Variants in CDC7 observed in about 807,000 individuals in gnomAD.
CDC7 encodes cell division cycle 7, also known as cell division cycle 7-related protein kinase.
In CDC7, 34 loss-of-function variants were observed where a neutral mutation model predicts 53.5. That is an observed-to-expected ratio of 0.64 (90% CI 0.48 to 0.85). The LOEUF (loss-of-function observed/expected upper bound fraction) is 0.85, where lower values mean the gene tolerates loss of function less well. Among genes scored for constraint, CDC7 ranks in the 40% least tolerant of loss-of-function variants. The pLI, the probability that CDC7 is intolerant of heterozygous loss-of-function variation, is 0.00. For synonymous variants in CDC7, 211 were observed against 222.8 expected (o/e 0.95, Z 0.47); for missense variants, 594 against 679.7 (o/e 0.87, Z 1.40).
chr1:91,508,393 G>T lies in CDC7; in HGVS notation c.331G>T (p.Ala111Ser), dbSNP rs749316780. The T allele has an allele frequency of 6.2e-7, 1 of 1,605,698 alleles. No individual in the cohort carries two copies. The highest frequency in any genetic ancestry group is 1.7e-5 in the Admixed American group (1 of 58,432). ...AGCTGAACTTCAGTGCCTAACAGTG[G>T]CTGGGTAGGCAATTTAAACATATTT... ...IAAELQCLTVAGGQDNVMGVK... is the reference protein window; with the variant it reads ...IAAELQCLTVSGGQDNVMGVK... The change falls in exon 4 of 12, where the codon GCT (alanine) becomes TCT (serine). Residue 111 changes from alanine (A) to serine (S), a missense_variant. Physicochemically the swap from Ala to Ser is moderately conservative, Grantham distance 99. Coordinates refer to ENST00000234626, the MANE Select transcript of CDC7 (RefSeq NM_003503.4).
At chr1:91,501,624 TA>T in intron 1 of CDC7, 29 bp from the exon 2 acceptor site, 2 of 905,146 alleles carry the variant, frequency 2.2e-6, no homozygotes, top group Non-Finnish European at 3.6e-6. Context: ...GCGAGTGATC[TA>T]AATTTCTCTA....
In CDC7 at chr1:91,524,432, G is replaced by C; in HGVS notation, c.1722G>C (p.Leu574Phe). 6.3e-7 allele frequency: 1 copy of C among 1,596,872 alleles called. No individual in the cohort carries two copies. Among genetic ancestry groups the C allele is most frequent in the Non-Finnish European group, 8.5e-7 (1 of 1,175,084 alleles). ...LLHPFFKDMS[L>F] is the part of the protein sequence containing the mutation. Reference sequence around the variant, plus strand: ...ATCCATTTTTTAAAGATATGAGCTTGTGATAATGGATCTTCATTTAATGTT... The same window carrying C: ...ATCCATTTTTTAAAGATATGAGCTTCTGATAATGGATCTTCATTTAATGTT... Residue 574 changes from leucine (L) to phenylalanine (F), a missense_variant, in exon 12 of 12, where the codon TTG becomes TTC. Transcript: ENST00000234626.
intron 11 of CDC7, among the ~76,000 whole-genome samples, chr1:91,522,589 G>T (rs1393583514): frequency 6.6e-6 from 1 of 152,100 alleles, no homozygotes; most frequent in African/African-American, 2.4e-5. Flanking sequence ...AAAGCATATT[G>T]TATAACTTGG....
Position 91,524,614 on chromosome 1 carries a change from C to G in CDC7, c.*179C>G. 1 of 557,396 alleles carries G rather than the reference C, an allele frequency of 1.8e-6. No individual in the cohort carries two copies. The highest frequency in any genetic ancestry group is 3.1e-6 in the Non-Finnish European group (1 of 323,714). The allele number at this position is 557,396 out of a possible 1,614,324, so 34.5% of individuals were successfully genotyped here. A position where few individuals can be genotyped will look rare whatever the true frequency, so the allele number is the denominator to read the frequency against. ...AATACTTAAAATGCCTGGGATAGTT[C>G]TTGGGACTAACAACATGATCTTCTT... On this transcript the variant is annotated 3_prime_UTR_variant, in exon 12 of 12. Transcript: ENST00000234626.
rs13447504 is a variant in CDC7, at chr1:91,511,918, G to A, written c.567G>A (p.Leu189=). Residue 189 remains leucine (L), a synonymous_variant, in exon 6 of 12, where the codon CTG becomes CTA. Coordinates refer to ENST00000234626, the MANE Select transcript of CDC7 (RefSeq NM_003503.4). ...GCAATTTTTTATATAATAGGCGCCT[G>A]AAAAAGTAAGTATGAAGAGTTACTA... ...KPSNFLYNRR[L]KKYALVDFGL... 169 of 1,574,018 alleles carry A rather than the reference G, an allele frequency of 1.1e-4. No homozygotes were observed. In the African/African-American group the frequency reaches 1.9e-3, roughly 17 times the overall value.
intron 4 of CDC7, among the ~76,000 whole-genome samples, chr1:91,509,441 A>G (rs1331913749): frequency 1.3e-5 from 2 of 151,332 alleles, no homozygotes; most frequent in Non-Finnish European, 2.9e-5. Flanking sequence ...CCATCTACAC[A>G]CTTGTTTGGG....
chr1:91,513,347 A>T, intron 7 of CDC7, 40 bp downstream of exon 7: 1 of 1,569,672 alleles, frequency 6.4e-7, no homozygotes, highest in Non-Finnish European at 8.7e-7. Context: ...ACACTGTTTT[A>T]GAAATATACT....
chr1:91,501,293 G>A (rs1666652902), intron 1 of CDC7: 2 of 168,430 alleles, frequency 1.2e-5, no homozygotes, highest in Admixed American at 1.1e-4. Context: ...CTTCCTGTCA[G>A]TGGCGAAAAG....
intron 4 of CDC7, among the ~76,000 whole-genome samples, chr1:91,510,182 T>A: frequency 6.6e-6 from 1 of 150,806 alleles, no homozygotes; most frequent in Non-Finnish European, 1.5e-5. Context: ...TCCATTGCAC[T>A]CCATCCAGCC....
intron 9 of CDC7, 124 bp from the exon 10 acceptor site, chr1:91,515,670 A>T: frequency 9.2e-7 from 1 of 1,088,366 alleles, no homozygotes; most frequent in Non-Finnish European, 1.3e-6. Flanking sequence ...CATTTACTTT[A>T]TAGTAACACT....
intron 11 of CDC7, among the ~76,000 whole-genome samples, chr1:91,522,961 C>T (rs1177743020): frequency 6.6e-6 from 1 of 152,144 alleles, no homozygotes; most frequent in Admixed American, 6.5e-5. Context: ...TTGTTTCGTA[C>T]ATTTAGTATA....
chr1:91,515,522 A>G (rs13447517), intron 9 of CDC7, among the ~76,000 whole-genome samples: 211 of 152,226 alleles, frequency 1.4e-3, no homozygotes, highest in Non-Finnish European at 2.0e-3. Flanking sequence ...TATTTTTTCT[A>G]TTATGGCTCT....
At chr1:91,511,954 A>G in intron 6 of CDC7, 31 bp downstream of exon 6, 1 of 1,497,250 alleles carries the variant, frequency 6.7e-7, no homozygotes, top group South Asian at 1.3e-5. Context: ...GAAAATATTT[A>G]TCCTATTTCT....
chr1:91,514,375 T>C (rs969998420), intron 8 of CDC7, among the ~76,000 whole-genome samples: 1 of 152,196 alleles, frequency 6.6e-6, no homozygotes, highest in Non-Finnish European at 1.5e-5. Flanking sequence ...AGTGTAAAGA[T>C]GTTTGTAAAG....
rs138223473 is a variant in CDC7 at position 91,518,302 on chromosome 1, T to C, written c.1181-1828T>C. On this transcript the variant is annotated intron_variant, in intron 10 of 11. Coordinates refer to ENST00000234626, the MANE Select transcript of CDC7 (RefSeq NM_003503.4). Reference sequence around the variant, plus strand: ...TTTCTATAGTGGGAATGTAAATTAGTACAACCACTATGGAAAACAATTTGG... The same window carrying C: ...TTTCTATAGTGGGAATGTAAATTAGCACAACCACTATGGAAAACAATTTGG... Among the ~76,000 whole-genome samples the C allele has an allele frequency of 5.9e-5, 9 of 152,020 alleles. No homozygotes were observed. In the East Asian group the frequency reaches 1.7e-3, roughly 29 times the overall value.
In CDC7 at chr1:91,501,770, G is replaced by C; in HGVS notation, c.54G>C (p.Gln18His). 6.2e-7 allele frequency: 1 copy of C among 1,614,070 alleles called. No individual in the cohort carries two copies. The highest frequency in any genetic ancestry group is 1.6e-4 in the Middle Eastern group (1 of 6,062). ...QMDEPMAFSP[Q>H]RDRFQAEGSL... Reference sequence around the variant, plus strand: ...ATGAGCCAATGGCTTTTTCTCCCCAGCGTGACCGGTTTCAGGCTGAAGGCT... The same window carrying C: ...ATGAGCCAATGGCTTTTTCTCCCCACCGTGACCGGTTTCAGGCTGAAGGCT... Residue 18 changes from glutamine to histidine, a missense_variant, in exon 2 of 12, where the codon CAG (glutamine) becomes CAC (histidine). Gln to His is a conservative substitution (Grantham distance 24). Coordinates refer to ENST00000234626, the MANE Select transcript of CDC7 (RefSeq NM_003503.4).
chr1:91,508,535 T>G, intron 4 of CDC7, 138 bp downstream of exon 4: 1 of 624,680 alleles, frequency 1.6e-6, no homozygotes, highest in Non-Finnish European at 2.7e-6. Context: ...GCTAGCACTT[T>G]CCTTCTAACC....
At chr1:91,509,936 G>C (rs778343537) in intron 4 of CDC7, among the ~76,000 whole-genome samples, 4 of 152,284 alleles carry the variant, frequency 2.6e-5, no homozygotes, top group Middle Eastern at 3.4e-3. Flanking sequence ...TCTGATCTGA[G>C]CAAGAGTGAA....
chr1:91,523,238 G>T (rs1426663799), intron 11 of CDC7, among the ~76,000 whole-genome samples: 1 of 152,168 alleles, frequency 6.6e-6, no homozygotes, highest in East Asian at 1.9e-4. Context: ...TATGAGAAAT[G>T]AGTGGTACTG....
Sources: gnomAD v4.1 joint callset for allele counts (sites outside exome capture counted in the v4.1 genomes callset) on GRCh38, gnomAD v4.1.1 for gene constraint, MANE v1.5 for transcripts, NCBI Gene and HGNC (gene_info 2026-07-23, HGNC 2026-07-21) for gene names.